FRMD4B: variants seen among roughly 807,000 people sequenced by gnomAD.
The protein encoded by FRMD4B is FERM domain containing 4B.
A neutral mutation model predicts 141.5 loss-of-function variants in FRMD4B; 74 were observed. The ratio of observed to expected loss-of-function variants is 0.52; its 90% CI spans 0.43 to 0.63. The LOEUF (loss-of-function observed/expected upper bound fraction) is 0.63, where lower values mean the gene tolerates loss of function less well. Among genes scored for constraint, FRMD4B ranks in the 30% least tolerant of loss-of-function variants. FRMD4B has a pLI of 0.00. For synonymous variants in FRMD4B, 506 were observed against 467.9 expected, an observed-to-expected ratio of 1.08 and a Z score of -1.05; for missense variants, 1,366 against 1,253.4, an observed-to-expected ratio of 1.09 and a Z score of -1.36.
At chr3:69,417,728 G>A (rs1704894945) in intron 2 of FRMD4B, among the ~76,000 whole-genome samples, 2 of 152,174 alleles carry the variant, frequency 1.3e-5, no homozygotes, top group Non-Finnish European at 2.9e-5. Context: ...AATTACCATA[G>A]CTGATGGCTT....
At chr3:69,301,711 T>A (rs1701224490) in intron 4 of FRMD4B, among the ~76,000 whole-genome samples, 1 of 152,214 alleles carries the variant, frequency 6.6e-6, no homozygotes, top group Non-Finnish European at 1.5e-5. Flanking sequence ...ATTTGAGAAA[T>A]TACTGATTTA....
chr3:69,232,035 G>C (rs966747210), intron 7 of FRMD4B, among the ~76,000 whole-genome samples: 10 of 152,170 alleles, frequency 6.6e-5, no homozygotes, highest in African/African-American at 2.2e-4. Flanking sequence ...TGGGCAGGAG[G>C]CATGATTTAT....
intron 5 of FRMD4B, 89 bp from the exon 6 acceptor site, chr3:69,250,188 TGGCA>T: frequency 5.7e-6 from 5 of 878,416 alleles, no homozygotes; most frequent in South Asian, 1.3e-5. Flanking sequence ...TGTCACAGCT[TGGCA>T]CCTCCAGTTT....
At chr3:69,287,610 G>T (rs1050838493) in intron 5 of FRMD4B, 142 bp downstream of exon 5, 2 of 625,400 alleles carry the variant, frequency 3.2e-6, no homozygotes, top group South Asian at 3.6e-5. Context: ...TGTGTAGTTG[G>T]GGGGTAGGAC....
At chr3:69,476,472 A>G (rs9681382) in intron 1 of FRMD4B, among the ~76,000 whole-genome samples, 3,021 of 152,238 alleles carry the variant, frequency 0.02, 92 homozygotes, top group African/African-American at 0.067. Flanking sequence ...TCCTTTCCCC[A>G]TTGCTTGTTT....
intron 1 of FRMD4B, among the ~76,000 whole-genome samples, chr3:69,382,464 T>C (rs1275138975): frequency 2.0e-5 from 3 of 152,248 alleles, no homozygotes; most frequent in Non-Finnish European, 4.4e-5. Flanking sequence ...TGTGAGCCAC[T>C]GCACCCAGCC....
chr3:69,439,050 CGTGTGTGTGTATGTGTGTGT>C (rs1336980750), intron 1 of FRMD4B, among the ~76,000 whole-genome samples: 12 of 72,274 alleles, frequency 1.7e-4, no homozygotes, highest in Non-Finnish European at 3.0e-4. Context: ...AGTTCGTGTG[CGTGTGTGTGTATGTGTGTGT>C]GTGTGTGTGT....
intron 2 of FRMD4B, among the ~76,000 whole-genome samples, chr3:69,414,209 A>G (rs1466220072): frequency 6.6e-6 from 1 of 152,076 alleles, no homozygotes; most frequent in Non-Finnish European, 1.5e-5. Flanking sequence ...AGCTTGCACA[A>G]AACACACAAT....
chr3:69,504,526 A>C (rs1280552536), intron 1 of FRMD4B, among the ~76,000 whole-genome samples: 1 of 152,154 alleles, frequency 6.6e-6, no homozygotes, highest in Non-Finnish European at 1.5e-5. Context: ...GTTTCTGTAG[A>C]TTTGCCTATT....
intron 2 of FRMD4B, among the ~76,000 whole-genome samples, chr3:69,393,640 A>G (rs1704426556): frequency 6.6e-6 from 1 of 152,232 alleles, no homozygotes; most frequent in South Asian, 2.1e-4. Flanking sequence ...TAAAATAGTT[A>G]AAAATTGGTC....
At chr3:69,367,434 C>T (rs1703698173) in intron 1 of FRMD4B, among the ~76,000 whole-genome samples, 1 of 152,152 alleles carries the variant, frequency 6.6e-6, no homozygotes, top group Non-Finnish European at 1.5e-5. Flanking sequence ...TGCATATATC[C>T]ATAACAATAC....
At chr3:69,482,066 C>G (rs1036473229) in intron 1 of FRMD4B, among the ~76,000 whole-genome samples, 2 of 152,180 alleles carry the variant, frequency 1.3e-5, no homozygotes, top group East Asian at 1.9e-4. Flanking sequence ...CTTTCAAAAG[C>G]TGAAATTCTG....
chr3:69,296,266 C>A (rs1382716109), intron 4 of FRMD4B, among the ~76,000 whole-genome samples: 3 of 152,094 alleles, frequency 2.0e-5, no homozygotes, highest in Non-Finnish European at 4.4e-5. Flanking sequence ...GCACACCCAC[C>A]AAAAGACAGG....
At chr3:69,298,777 T>G (rs1701115526) in intron 4 of FRMD4B, among the ~76,000 whole-genome samples, 1 of 152,154 alleles carries the variant, frequency 6.6e-6, no homozygotes, top group Non-Finnish European at 1.5e-5. Context: ...CCACTGTTTT[T>G]AGAAATGCAG....
At chr3:69,528,459 G>A (rs1039464708) in intron 1 of FRMD4B, among the ~76,000 whole-genome samples, 1 of 151,852 alleles carries the variant, frequency 6.6e-6, no homozygotes, top group African/African-American at 2.4e-5. Flanking sequence ...TGACTTTGTG[G>A]GCTGTGGTGA....
chr3:69,321,828 C>T (rs189576440), intron 1 of FRMD4B, among the ~76,000 whole-genome samples: 27 of 152,262 alleles, frequency 1.8e-4, no homozygotes, highest in Admixed American at 7.8e-4. Context: ...GATTCTTCCA[C>T]GTCAGCCTCC....
chr3:69,241,294 T>C (rs1408476601), intron 7 of FRMD4B, among the ~76,000 whole-genome samples: 2 of 151,880 alleles, frequency 1.3e-5, no homozygotes, highest in African/African-American at 4.8e-5. Context: ...TAGAGTAGAG[T>C]GTGTGGTCCA....
chr3:69,299,070 A>G (rs553441881), intron 4 of FRMD4B, among the ~76,000 whole-genome samples: 1 of 152,296 alleles, frequency 6.6e-6, no homozygotes, highest in Non-Finnish European at 1.5e-5. Flanking sequence ...TATGCTGACT[A>G]TGATGGTAGA....
chr3:69,510,930 A>T (rs1194545712), intron 1 of FRMD4B, among the ~76,000 whole-genome samples: 1 of 152,240 alleles, frequency 6.6e-6, no homozygotes, highest in Non-Finnish European at 1.5e-5. Flanking sequence ...CTTATAGTTG[A>T]CCAATAAATC....
Sources: gnomAD v4.1 joint callset for allele counts (sites outside exome capture counted in the v4.1 genomes callset) on GRCh38, gnomAD v4.1.1 for gene constraint, MANE v1.5 for transcripts, NCBI Gene and HGNC (gene_info 2026-07-23, HGNC 2026-07-21) for gene names.